Variants in ARID2 observed in about 807,000 individuals in gnomAD.
The protein encoded by ARID2 is AT-rich interactive domain-containing protein 2.
ARID2 carries 32 observed loss-of-function variants against 184.6 expected under a neutral mutation model. The ratio of observed to expected loss-of-function variants is 0.17; its 90% CI spans 0.13 to 0.23. The LOEUF (loss-of-function observed/expected upper bound fraction) is 0.23, where lower values mean the gene tolerates loss of function less well. Among genes scored for constraint, ARID2 ranks in the 10% least tolerant of loss-of-function variants. The pLI, the probability that ARID2 is intolerant of heterozygous loss-of-function variation, is 1.00. For missense variants in ARID2, 1,696 were observed against 2,197.6 expected (o/e 0.77, Z 4.56); for synonymous variants, 836 against 772.6 (o/e 1.08, Z -1.36).
At chr12:45,830,121 TA>T (rs1943085938) in intron 6 of ARID2, among the ~76,000 whole-genome samples, 1 of 150,876 alleles carries the variant, frequency 6.6e-6, no homozygotes, top group Admixed American at 6.6e-5. Flanking sequence ...AATTAAAAAT[TA>T]AATACACTTG....
intron 6 of ARID2, among the ~76,000 whole-genome samples, chr12:45,826,709 C>G (rs2138107484): frequency 6.6e-6 from 1 of 152,086 alleles, no homozygotes; most frequent in South Asian, 2.1e-4. Flanking sequence ...ATGAACCACC[C>G]TGTCTGCTCC....
chr12:45,769,803 C>A (rs1357388701), intron 3 of ARID2, among the ~76,000 whole-genome samples: 2 of 152,140 alleles, frequency 1.3e-5, no homozygotes, highest in African/African-American at 4.8e-5. Flanking sequence ...AAAAACATGT[C>A]ATCACTTACA....
intron 3 of ARID2, among the ~76,000 whole-genome samples, chr12:45,751,750 T>G (rs150481314): frequency 1.3e-5 from 2 of 152,246 alleles, no homozygotes; most frequent in Admixed American, 6.5e-5. Context: ...TGCTACATAC[T>G]GAATACTGTA....
chr12:45,823,511 GT>G (rs1332212674), intron 6 of ARID2, among the ~76,000 whole-genome samples: 7 of 151,958 alleles, frequency 4.6e-5, no homozygotes, highest in Admixed American at 1.3e-4. Flanking sequence ...ACAAAAAGTT[GT>G]TTTTTGATAA....
rs1368116171 is a variant in ARID2 at position 45,850,086 on chromosome 12, G to A, written c.1963G>A (p.Val655Ile). ...AGGAAACCATTTTCAGAGGACTCCT[G>A]TTGCCAACCAATCTTCAAATCTGAC... is the stretch of plus-strand genomic sequence containing the variant. Reference protein sequence around the residue: ...TIGNHFQRTPVANQSSNLTAT... With the variant: ...TIGNHFQRTPIANQSSNLTAT... Residue 655 changes from valine (V) to isoleucine (I), a missense_variant, in exon 15 of 21, where the codon GTT becomes ATT. Val to Ile is a conservative substitution (Grantham distance 29, BLOSUM62 3). Coordinates refer to ENST00000334344, the MANE Select transcript of ARID2 (RefSeq NM_152641.4). The A allele has an allele frequency of 1.2e-6, 2 of 1,613,882 alleles. No homozygotes were observed. Among genetic ancestry groups the A allele is most frequent in the Non-Finnish European group, 1.7e-6 (2 of 1,179,940 alleles).
rs543008812 is a variant in ARID2 at position 45,852,943 on chromosome 12, T to G, written c.4773+47T>G. Reference sequence around the variant, plus strand: ...TTTCTCTTATGAAATTTCTGATCTGTAAATACAATTTTAGAGGGAAATGCA... The same window carrying G: ...TTTCTCTTATGAAATTTCTGATCTGGAAATACAATTTTAGAGGGAAATGCA... On this transcript the variant is annotated intron_variant, in intron 15 of 20. Transcript: ENST00000334344. The G allele has an allele frequency of 2.0e-6, 3 of 1,482,958 alleles. No homozygotes were observed. In the African/African-American group the frequency reaches 4.2e-5, roughly 21 times the overall value. The allele number at this position is 1,482,958 out of a possible 1,614,324, so 91.9% of individuals were successfully genotyped here.
At chr12:45,785,231 C>T (rs1239779498) in intron 3 of ARID2, among the ~76,000 whole-genome samples, 1 of 152,176 alleles carries the variant, frequency 6.6e-6, no homozygotes, top group Non-Finnish European at 1.5e-5. Flanking sequence ...AATTCTGATT[C>T]TATCACTTAA....
At chr12:45,815,490 G>T (rs1035700001) in intron 4 of ARID2, among the ~76,000 whole-genome samples, 3 of 152,030 alleles carry the variant, frequency 2.0e-5, no homozygotes, top group Non-Finnish European at 4.4e-5. Context: ...AATTGAAGAG[G>T]TGTATCTCTT....
chr12:45,797,070 T>C (rs1425465378), intron 3 of ARID2, among the ~76,000 whole-genome samples: 2 of 152,186 alleles, frequency 1.3e-5, no homozygotes, highest in Non-Finnish European at 2.9e-5. Context: ...TAAAAAATCA[T>C]GTCATTGCTC....
chr12:45,772,718 G>A (rs542336276), intron 3 of ARID2, among the ~76,000 whole-genome samples: 2 of 152,296 alleles, frequency 1.3e-5, no homozygotes, highest in East Asian at 1.9e-4. Context: ...TGTAAATTGT[G>A]AATATCTGCA....
intron 15 of ARID2, among the ~76,000 whole-genome samples, chr12:45,857,884 C>T (rs1943678055): frequency 1.3e-5 from 2 of 152,030 alleles, no homozygotes; most frequent in African/African-American, 2.4e-5. Context: ...TTCAGCCTCC[C>T]GAGTGGCTGG....
At chr12:45,852,965 T>G in intron 15 of ARID2, 69 bp downstream of exon 15, 1 of 1,449,838 alleles carries the variant, frequency 6.9e-7, no homozygotes, top group South Asian at 1.5e-5. Flanking sequence ...TAGAGGGAAA[T>G]GCACTGTTTT....
intron 16 of ARID2, among the ~76,000 whole-genome samples, chr12:45,889,729 G>A (rs1944262271): frequency 1.3e-5 from 2 of 152,322 alleles, no homozygotes; most frequent in Admixed American, 6.5e-5. Flanking sequence ...CACAAGGTCA[G>A]GAGTTCGAGA....
intron 3 of ARID2, among the ~76,000 whole-genome samples, chr12:45,800,384 A>G (rs1308938500): frequency 1.3e-5 from 2 of 152,304 alleles, no homozygotes; most frequent in African/African-American, 4.8e-5. Flanking sequence ...GTGCAATTTT[A>G]TTGAGAATAA....
chr12:45,833,119 G>A (rs1455566045), intron 6 of ARID2, among the ~76,000 whole-genome samples: 1 of 152,058 alleles, frequency 6.6e-6, no homozygotes, highest in Non-Finnish European at 1.5e-5. Context: ...ATCTTTTCTA[G>A]TTAAGCAAAT....
chr12:45,808,442 T>G (rs529020415), intron 3 of ARID2, among the ~76,000 whole-genome samples: 1 of 152,160 alleles, frequency 6.6e-6, no homozygotes, highest in Non-Finnish European at 1.5e-5. Context: ...GCCTAAATCA[T>G]AAATTTCTGG....
At chr12:45,839,671 G>T in intron 11 of ARID2, 175 bp downstream of exon 11, 3 of 602,654 alleles carry the variant, frequency 5.0e-6, no homozygotes, top group Non-Finnish European at 5.2e-6. Context: ...GGAGTAGCAG[G>T]ATCAAGGTGA....
chr12:45,854,279 A>G (rs1943605821), intron 15 of ARID2, among the ~76,000 whole-genome samples: 1 of 152,214 alleles, frequency 6.6e-6, no homozygotes, highest in African/African-American at 2.4e-5. Flanking sequence ...CAGTGTAATA[A>G]TAGAAATAAA....
intron 16 of ARID2, among the ~76,000 whole-genome samples, chr12:45,866,909 G>GT (rs1421115846): frequency 6.6e-6 from 1 of 151,702 alleles, no homozygotes; most frequent in Admixed American, 6.6e-5. Flanking sequence ...GTTTTGTTTT[G>GT]TTGGGTTGTT....
Sources: allele counts gnomAD v4.1 joint callset (sites outside exome capture counted in the v4.1 genomes callset), GRCh38; gene constraint gnomAD v4.1.1; transcripts MANE v1.5; gene names NCBI Gene and HGNC (gene_info 2026-07-23, HGNC 2026-07-21).